Variants in PARD3B observed in about 807,000 individuals in gnomAD.
The protein encoded by PARD3B is par-3 family cell polarity regulator beta.
A neutral mutation model predicts 130.2 loss-of-function variants in PARD3B; 103 were observed. The ratio of observed to expected loss-of-function variants is 0.79; its 90% CI spans 0.67 to 0.93. PARD3B has a LOEUF of 0.93. PARD3B is among the 40% of genes least tolerant of loss of function. The pLI is 0.00. For synonymous variants in PARD3B, 583 were observed against 553.2 expected, an observed-to-expected ratio of 1.05 and a Z score of -0.76; for missense variants, 1,609 against 1,499.2, an observed-to-expected ratio of 1.07 and a Z score of -1.21.
At chr2:205,355,021 A>G (rs1559695024) in intron 18 of PARD3B, among the ~76,000 whole-genome samples, 1 of 152,204 alleles carries the variant, frequency 6.6e-6, no homozygotes, top group Non-Finnish European at 1.5e-5. Flanking sequence ...TCTTGGGAAG[A>G]TACTTCTCAG....
intron 19 of PARD3B, among the ~76,000 whole-genome samples, chr2:205,429,264 AC>A (rs1248158058): frequency 6.6e-6 from 1 of 152,196 alleles, no homozygotes; most frequent in African/African-American, 2.4e-5. Flanking sequence ...CACCATTGGA[AC>A]TATCTAGGAC....
At position 204,686,301 on chromosome 2, in the gene PARD3B, G is replaced by A; in HGVS notation, c.222+19G>A. The A allele has an allele frequency of 6.5e-7, 1 of 1,549,194 alleles. No homozygotes were observed. The highest frequency in any genetic ancestry group is 8.9e-7 in the Non-Finnish European group (1 of 1,121,448). On this transcript the variant is annotated intron_variant, in intron 2 of 22. Coordinates refer to ENST00000406610, the MANE Select transcript of PARD3B (RefSeq NM_001302769.2). Reference sequence around the variant, plus strand: ...AGACAAGGTAGATAACTCTAAAAATGTGCCTCTTTGTTTTCCTCTACAGAG... The same window carrying A: ...AGACAAGGTAGATAACTCTAAAAATATGCCTCTTTGTTTTCCTCTACAGAG...
Position 205,104,410 on chromosome 2 carries a change from CTTTG to C in PARD3B, c.505-12_505-9del. On this transcript the variant is annotated splice_polypyrimidine_tract_variant and intron_variant, in intron 4 of 22. Transcript: ENST00000406610. Reference sequence around the variant, plus strand: ...TATGCACAGCATCACATGCTTATGACTTTGTTTCACTATAGGATTCCACGCAGAA... The same window carrying C: ...TATGCACAGCATCACATGCTTATGACTTTCACTATAGGATTCCACGCAGAA... The C allele has an allele frequency of 6.5e-7, 1 of 1,543,248 alleles. No homozygotes were observed. The highest frequency in any genetic ancestry group is 9.0e-7 in the Non-Finnish European group (1 of 1,116,314).
chr2:204,839,127 G>A (rs148036917), intron 2 of PARD3B, among the ~76,000 whole-genome samples: 1,710 of 152,252 alleles, frequency 0.011, 24 homozygotes, highest in African/African-American at 0.039. Flanking sequence ...TTGCCATAAT[G>A]TTACAAGGTC....
chr2:205,471,536 T>G (rs2048834989), intron 20 of PARD3B, among the ~76,000 whole-genome samples: 1 of 151,922 alleles, frequency 6.6e-6, no homozygotes, highest in Non-Finnish European at 1.5e-5. Flanking sequence ...TAATTTCTTG[T>G]ACTTTTAGTA....
At chr2:204,727,970 CAGT>C (rs2039312913) in intron 2 of PARD3B, among the ~76,000 whole-genome samples, 1 of 152,038 alleles carries the variant, frequency 6.6e-6, no homozygotes. Context: ...GGAGAGGCAG[CAGT>C]CAGGGGGCTG....
intron 22 of PARD3B, among the ~76,000 whole-genome samples, chr2:205,598,938 A>C (rs1214821504): frequency 6.6e-6 from 1 of 152,234 alleles, no homozygotes; most frequent in Non-Finnish European, 1.5e-5. Context: ...GACACAAGAT[A>C]CCAGAATCTT....
chr2:204,961,939 C>T (rs374895041), intron 2 of PARD3B, among the ~76,000 whole-genome samples: 12 of 152,078 alleles, frequency 7.9e-5, no homozygotes, highest in African/African-American at 2.9e-4. Context: ...ATACTGGAAA[C>T]TGCTGTGTAG....
chr2:205,437,993 G>A (rs922713689), intron 19 of PARD3B, among the ~76,000 whole-genome samples: 4 of 151,936 alleles, frequency 2.6e-5, no homozygotes, highest in Admixed American at 1.3e-4. Flanking sequence ...TGACACTTCC[G>A]TCTTGGTCTC....
At chr2:205,376,622 G>A (rs746875313) in intron 18 of PARD3B, among the ~76,000 whole-genome samples, 2 of 152,208 alleles carry the variant, frequency 1.3e-5, no homozygotes, top group African/African-American at 2.4e-5. Context: ...TTCAAGTACT[G>A]CATGCAACTG....
In PARD3B at chr2:205,351,133, T is replaced by C. The variant is rs1437654560; in HGVS notation, c.2630+49432T>C. 1.3e-5 allele frequency among the ~76,000 whole-genome samples: 2 copies of C among 152,188 alleles called. No homozygotes were observed. The highest frequency in any genetic ancestry group is 2.9e-5 in the Non-Finnish European group (2 of 68,030). On this transcript the variant is annotated intron_variant, in intron 18 of 22. Transcript: ENST00000406610. The surrounding 1 kb of genome is among the most constrained non-coding windows in gnomAD (Gnocchi z 4.2). ...TTCAAAAGGTGAATATTTTCTGGAA[T>C]AAAATACAGAGTTGAAGTGAAATCA...
At chr2:204,859,492 A>G (rs566326395) in intron 2 of PARD3B, among the ~76,000 whole-genome samples, 6 of 152,332 alleles carry the variant, frequency 3.9e-5, no homozygotes, top group African/African-American at 9.6e-5. Context: ...GTACATTGCT[A>G]TCTGTAAAGA....
chr2:204,843,586 C>T lies in PARD3B; in HGVS notation c.223-121566C>T, dbSNP rs112859372. ...TGTATTTTCATTAGGGACGAGGTTTCGCCATGTTAGCCAGGCCGGTCTCAA... is the reference window on the plus strand; with the variant it reads ...TGTATTTTCATTAGGGACGAGGTTTTGCCATGTTAGCCAGGCCGGTCTCAA... On this transcript the variant is annotated intron_variant, in intron 2 of 22. Coordinates refer to ENST00000406610, the MANE Select transcript of PARD3B (RefSeq NM_001302769.2). 7.0e-3 allele frequency among the ~76,000 whole-genome samples: 1,069 copies of T among 152,080 alleles called. 11 individuals are homozygous for T. Among genetic ancestry groups the T allele is most frequent in the Middle Eastern group, 0.044 (13 of 294 alleles).
chr2:204,916,853 A>G (rs75715386), intron 2 of PARD3B, among the ~76,000 whole-genome samples: 11,774 of 152,250 alleles, frequency 0.077, 590 homozygotes, highest in African/African-American at 0.12. Flanking sequence ...TATGAATTAA[A>G]TTTCAGATTC....
chr2:205,505,190 T>C (rs1347835446), intron 21 of PARD3B, among the ~76,000 whole-genome samples: 3 of 144,520 alleles, frequency 2.1e-5, no homozygotes, highest in African/African-American at 7.8e-5. Flanking sequence ...AATTGAACAA[T>C]GAGAACACAT....
At chr2:204,765,363 A>T (rs2041099999) in intron 2 of PARD3B, among the ~76,000 whole-genome samples, 3 of 151,834 alleles carry the variant, frequency 2.0e-5, no homozygotes. Flanking sequence ...TTGGAGAACC[A>T]CTCTTCTGCT....
At chr2:205,481,044 T>C (rs2049216878) in intron 20 of PARD3B, among the ~76,000 whole-genome samples, 1 of 151,844 alleles carries the variant, frequency 6.6e-6, no homozygotes, top group Admixed American at 6.6e-5. Context: ...AGGAGAAGAA[T>C]AGGTCAGCAA....
intron 6 of PARD3B, among the ~76,000 whole-genome samples, chr2:205,117,074 C>T (rs896516013): frequency 2.6e-5 from 4 of 152,124 alleles, no homozygotes; most frequent in East Asian, 1.9e-4. Flanking sequence ...TACATAAACA[C>T]GTTTATAACC....
chr2:205,384,733 A>T (rs1007517170), intron 18 of PARD3B, among the ~76,000 whole-genome samples: 1 of 152,050 alleles, frequency 6.6e-6, no homozygotes, highest in Non-Finnish European at 1.5e-5. Flanking sequence ...GAATCTGTGA[A>T]CTCTTAGAAA....
Sources: allele counts gnomAD v4.1 joint callset (sites outside exome capture counted in the v4.1 genomes callset), GRCh38; gene constraint gnomAD v4.1.1; non-coding constraint Gnocchi (gnomAD v3.1); transcripts MANE v1.5; gene names NCBI Gene and HGNC (gene_info 2026-07-23, HGNC 2026-07-21).